Variants in SIRPB1 observed in about 807,000 individuals in gnomAD.
SIRPB1 encodes signal-regulatory protein beta-1.
A neutral mutation model predicts 34.1 loss-of-function variants in SIRPB1; 28 were observed. The ratio of observed to expected loss-of-function variants is 0.82; its 90% CI spans 0.61 to 1.12. SIRPB1 has a LOEUF of 1.12. SIRPB1 is among the 50% of genes most tolerant of loss of function. The probability of loss-of-function intolerance (pLI) is 0.00; values close to 1 mark genes in which losing one functional copy is unlikely to be tolerated. For missense variants in SIRPB1, 499 were observed against 507.0 expected (o/e 0.98, Z 0.15); for synonymous variants, 211 against 203.8 (o/e 1.04, Z -0.30).
At chr20:1,569,455 T>C (rs1476464475) in intron 4 of SIRPB1, among the ~76,000 whole-genome samples, 1 of 152,240 alleles carries the variant, frequency 6.6e-6, no homozygotes, top group Non-Finnish European at 1.5e-5. Context: ...TCCCTCAATG[T>C]GCAACTGCAG....
rs776196105 is a variant in SIRPB1, at chr20:1,571,980, G to A, written c.491C>T (p.Thr164Ile). The A allele has an allele frequency of 2.0e-5, 32 of 1,613,984 alleles. No individual in the cohort carries two copies. The South Asian group carries it at 3.4e-4, about 17-fold the overall frequency. Residue 164 changes from threonine (T) to isoleucine (I), a missense_variant, in exon 3 of 6, where the codon ACA (threonine) becomes ATA (isoleucine). By Grantham distance (89) the Thr-to-Ile change is moderately conservative. Transcript: ENST00000381605. ...GPAVRATPEH[T>I]VSFTCESHGF... ...ATGGGACTCGCAGGTGAAGCTCACT[G>A]TGTGCTCAGGTGTGGCCCTCACCGC...
intron 5 of SIRPB1, 111 bp downstream of exon 5, chr20:1,566,042 C>T (rs2091125738): frequency 6.0e-6 from 4 of 671,048 alleles, no homozygotes; most frequent in Non-Finnish European, 1.0e-5. Flanking sequence ...GCCCTGTCAC[C>T]TTCTGTAAAC....
At chr20:1,576,877 T>C (rs1373751738) in intron 2 of SIRPB1, among the ~76,000 whole-genome samples, 1 of 148,686 alleles carries the variant, frequency 6.7e-6, no homozygotes, top group African/African-American at 2.4e-5. Flanking sequence ...CCACTTCCAG[T>C]GGGAATCTCC....
At chr20:1,606,919 A>G (rs1481756683) in intron 1 of SIRPB1, among the ~76,000 whole-genome samples, 1 of 68,440 alleles carries the variant, frequency 1.5e-5, no homozygotes, top group Non-Finnish European at 2.7e-5. Context: ...GACTGTAATC[A>G]TGAGGTTTGG....
rs1403063978 is a variant in SIRPB1, at chr20:1,593,057, T to C, written c.77-14363A>G. Among the ~76,000 whole-genome samples, 2 of 49,922 alleles carry C rather than the reference T, an allele frequency of 4.0e-5. 1 individual carries two copies. The highest frequency in any genetic ancestry group is 2.6e-4 in the African/African-American group (2 of 7,638). 32.8% of individuals were successfully genotyped at this position (49,922 alleles called of 152,430 possible). ...TAATGTGTAAGTTAGAAATAATTGATAATTTTTAATATGTACTTCATGGTA... is the reference window on the plus strand; with the variant it reads ...TAATGTGTAAGTTAGAAATAATTGACAATTTTTAATATGTACTTCATGGTA... On this transcript the variant is annotated intron_variant, in intron 1 of 5. Coordinates refer to ENST00000381605, the MANE Select transcript of SIRPB1 (RefSeq NM_006065.5).
intron 1 of SIRPB1, among the ~76,000 whole-genome samples, chr20:1,606,252 G>A (rs1465012545): frequency 5.9e-5 from 1 of 16,920 alleles, no homozygotes; most frequent in Non-Finnish European, 9.7e-5. Flanking sequence ...CTTCAGTTAG[G>A]ACAGGTTTGG....
chr20:1,615,326 A>G (rs942866882), intron 1 of SIRPB1, among the ~76,000 whole-genome samples: 1 of 152,122 alleles, frequency 6.6e-6, no homozygotes, highest in Non-Finnish European at 1.5e-5. Context: ...GCTATACTCC[A>G]TTACAACAAG....
In SIRPB1 at chr20:1,589,483, T is replaced by C. The variant is rs950364498; in HGVS notation, c.77-10789A>G. 3.9e-4 allele frequency among the ~76,000 whole-genome samples: 19 copies of C among 48,886 alleles called. 9 individuals carry two copies. The highest frequency in any genetic ancestry group is 5.9e-4 in the Non-Finnish European group (15 of 25,398). 32.1% of individuals were successfully genotyped at this position (48,886 alleles called of 152,430 possible). On this transcript the variant is annotated intron_variant, in intron 1 of 5. Coordinates refer to ENST00000381605, the MANE Select transcript of SIRPB1 (RefSeq NM_006065.5). Reference sequence around the variant, plus strand: ...ATGGGAAATGAGGAGAGAGGAAGTATATATGCCCTGACCAACAAGGTGTGC... The same window carrying C: ...ATGGGAAATGAGGAGAGAGGAAGTACATATGCCCTGACCAACAAGGTGTGC...
chr20:1,611,489 T>G lies in SIRPB1; in HGVS notation c.76+8380A>C, dbSNP rs45520837. The G allele has an allele frequency of 2.3e-5, 23 of 992,638 alleles. 5 individuals are homozygous for G. In the African/African-American group the frequency reaches 4.3e-4, roughly 19 times the overall value. The allele number at this position is 992,638 out of a possible 1,614,324, so 61.5% of individuals were successfully genotyped here. A position where few individuals can be genotyped will look rare whatever the true frequency, so the allele number is the denominator to read the frequency against. On this transcript the variant is annotated intron_variant, in intron 1 of 5. Coordinates refer to ENST00000381605, the MANE Select transcript of SIRPB1 (RefSeq NM_006065.5). ...TTACTGATGCGGATGGAAAAGTCCATGTTGTTTCTCTTTGTGAGGTCTGAA... is the reference window on the plus strand; with the variant it reads ...TTACTGATGCGGATGGAAAAGTCCAGGTTGTTTCTCTTTGTGAGGTCTGAA...
intron 2 of SIRPB1, 75 bp downstream of exon 2, chr20:1,578,263 C>T (rs2091345965): frequency 2.0e-6 from 3 of 1,472,910 alleles, no homozygotes; most frequent in Non-Finnish European, 9.4e-7. Context: ...CTGGCTGTTG[C>T]TCCAAGAATG....
intron 1 of SIRPB1, among the ~76,000 whole-genome samples, chr20:1,617,282 A>G (rs1600171485): frequency 6.6e-6 from 1 of 152,216 alleles, no homozygotes; most frequent in East Asian, 1.9e-4. Context: ...AGGATATTAA[A>G]TTAACCTAGA....
At position 1,563,348 on chromosome 20, in the gene SIRPB1, C is replaced by T. The variant is rs958555518; in HGVS notation, c.*2152G>A. 2.0e-5 allele frequency among the ~76,000 whole-genome samples: 3 copies of T among 152,000 alleles called. No individual in the cohort carries two copies. The highest frequency in any genetic ancestry group is 7.3e-5 in the African/African-American group (3 of 41,374). On this transcript the variant is annotated 3_prime_UTR_variant, in exon 6 of 6. Transcript: ENST00000381605. ...ATCTCTACTAAAAATACAAAATTAG[C>T]TGGGTGTGGTGGTACATGCCTGTAA...
At position 1,571,219 on chromosome 20, in the gene SIRPB1, C is replaced by A. The variant is rs1203918410; in HGVS notation, c.752-82G>T. The A allele has an allele frequency of 1.0e-5, 14 of 1,374,608 alleles. No individual in the cohort carries two copies. The East Asian group carries it at 3.1e-4, about 30-fold the overall frequency. 85.2% of individuals were successfully genotyped at this position (1,374,608 alleles called of 1,614,324 possible). Reference sequence around the variant, plus strand: ...GGCTAAATAACGTAGCTCCCACCAACACAGTGAGGGCATCACCAGGACAGT... The same window carrying A: ...GGCTAAATAACGTAGCTCCCACCAAAACAGTGAGGGCATCACCAGGACAGT... On this transcript the variant is annotated intron_variant, in intron 3 of 5. Transcript: ENST00000381605.
At position 1,598,948 on chromosome 20, in the gene SIRPB1, G is replaced by C. The variant is rs771758771; in HGVS notation, c.77-20254C>G. On this transcript the variant is annotated intron_variant, in intron 1 of 5. Coordinates refer to ENST00000381605, the MANE Select transcript of SIRPB1 (RefSeq NM_006065.5). ...AGCCAGTGCTGGGCCTGGAAATCAGGAGACAGGAGAAGTTAGGAAGGGGCT... is the reference window on the plus strand; with the variant it reads ...AGCCAGTGCTGGGCCTGGAAATCAGCAGACAGGAGAAGTTAGGAAGGGGCT... The C allele has an allele frequency of 2.7e-5, 13 of 477,420 alleles. 5 individuals are homozygous for C. The East Asian group carries it at 8.0e-4, about 30-fold the overall frequency. The allele number at this position is 477,420 out of a possible 1,614,324, so 29.6% of individuals were successfully genotyped here. A position where few individuals can be genotyped will look rare whatever the true frequency, so the allele number is the denominator to read the frequency against.
intron 1 of SIRPB1, among the ~76,000 whole-genome samples, chr20:1,618,872 C>T (rs985400687): frequency 2.0e-5 from 3 of 152,226 alleles, no homozygotes; most frequent in African/African-American, 7.2e-5. Flanking sequence ...GTTGTAGTAC[C>T]TGTTATGGGC....
intron 2 of SIRPB1, among the ~76,000 whole-genome samples, chr20:1,573,804 C>T (rs1185573438): frequency 2.0e-5 from 3 of 146,484 alleles, no homozygotes; most frequent in African/African-American, 7.4e-5. Context: ...ATAGAAACCC[C>T]ACCCTGGGAA....
At chr20:1,616,542 T>C (rs1021474157) in intron 1 of SIRPB1, among the ~76,000 whole-genome samples, 7 of 152,202 alleles carry the variant, frequency 4.6e-5, no homozygotes, top group Non-Finnish European at 1.0e-4. Context: ...TCCTCTCACA[T>C]GACACACAAA....
rs541417981 is a variant in SIRPB1 at position 1,610,946 on chromosome 20, G to A, written c.76+8923C>T. Among the ~76,000 whole-genome samples the A allele has an allele frequency of 2.1e-4, 15 of 72,684 alleles. 6 individuals carry two copies. The highest frequency in any genetic ancestry group is 1.1e-3 in the African/African-American group (13 of 11,474). 47.7% of individuals were successfully genotyped at this position (72,684 alleles called of 152,430 possible). ...TAGGGCAGAGCCTGGCACACAGTGG[G>A]GTCTCAGTGAGTGCCTGCTGCATAA... is the stretch of plus-strand genomic sequence containing the variant. On this transcript the variant is annotated intron_variant, in intron 1 of 5. Coordinates refer to ENST00000381605, the MANE Select transcript of SIRPB1 (RefSeq NM_006065.5).
Position 1,571,817 on chromosome 20 carries a change from A to G in SIRPB1, c.654T>C (p.Arg218=). 2 of 1,614,236 alleles carry G rather than the reference A, an allele frequency of 1.2e-6. No homozygotes were observed. Among genetic ancestry groups the G allele is most frequent in the Non-Finnish European group, 1.7e-6 (2 of 1,180,038 alleles). Residue 218 remains arginine (R), a synonymous_variant, in exon 3 of 6, where the codon CGT becomes CGC. Transcript: ENST00000381605. ...AGATGACTTGAGAGTGAACGTCCCC[A>G]CGGGTCAGCACCACCCTGGCTGTGC... ...IHSTARVVLT[R]GDVHSQVICE...
Sources: gnomAD v4.1 joint callset for allele counts (sites outside exome capture counted in the v4.1 genomes callset) on GRCh38, gnomAD v4.1.1 for gene constraint, MANE v1.5 for transcripts, NCBI Gene and HGNC (gene_info 2026-07-23, HGNC 2026-07-21) for gene names.